GPR39: variants seen among roughly 807,000 people sequenced by gnomAD.
GPR39 encodes G protein-coupled receptor 39, also known as zinc sensing receptor.
In GPR39, 23 loss-of-function variants were observed where a neutral mutation model predicts 18.4. That is an observed-to-expected ratio of 1.25 (90% CI 0.90 to 1.77). The LOEUF (loss-of-function observed/expected upper bound fraction) is 1.77, where lower values mean the gene tolerates loss of function less well. Ranked by LOEUF, GPR39 falls within the 40% of genes most tolerant of loss-of-function variation. The probability of loss-of-function intolerance (pLI) is 0.00; values close to 1 mark genes in which losing one functional copy is unlikely to be tolerated. For missense variants in GPR39, 647 were observed against 602.4 expected (o/e 1.07, Z -0.78); for synonymous variants, 280 against 257.9 (o/e 1.09, Z -0.82).
intron 1 of GPR39, among the ~76,000 whole-genome samples, chr2:132,462,699 G>A (rs1021940720): frequency 5.3e-5 from 8 of 152,078 alleles, no homozygotes; most frequent in Non-Finnish European, 1.2e-4. Context: ...AGCCAACCAG[G>A]CAGTCCAGGC....
intron 1 of GPR39, among the ~76,000 whole-genome samples, chr2:132,559,960 TGGAGGAAGG>T (rs1307606894): frequency 6.6e-6 from 1 of 151,798 alleles, no homozygotes; most frequent in Non-Finnish European, 1.5e-5. Context: ...GGGGGCTGGG[TGGAGGAAGG>T]GGAGGATGAG....
chr2:132,632,466 C>T (rs1310877479), intron 1 of GPR39, among the ~76,000 whole-genome samples: 1 of 152,160 alleles, frequency 6.6e-6, no homozygotes, highest in African/African-American at 2.4e-5. Context: ...AATTGAATTA[C>T]CTTAATTTGC....
chr2:132,449,904 C>G (rs1051822817), intron 1 of GPR39, among the ~76,000 whole-genome samples: 1 of 152,122 alleles, frequency 6.6e-6, no homozygotes, highest in Non-Finnish European at 1.5e-5. Flanking sequence ...TCTCCTACAC[C>G]TTCTAGCATC....
chr2:132,496,148 C>T (rs1484444616), intron 1 of GPR39, among the ~76,000 whole-genome samples: 1 of 152,130 alleles, frequency 6.6e-6, no homozygotes, highest in East Asian at 1.9e-4. Flanking sequence ...AATTATTCCC[C>T]ATTAGTGCTC....
intron 1 of GPR39, among the ~76,000 whole-genome samples, chr2:132,644,244 A>G (rs1051370780): frequency 2.0e-5 from 3 of 152,228 alleles, no homozygotes; most frequent in Non-Finnish European, 4.4e-5. Context: ...GGGCATGCAA[A>G]CAAATGTACA....
intron 1 of GPR39, among the ~76,000 whole-genome samples, chr2:132,501,959 A>G (rs1362674846): frequency 6.6e-6 from 1 of 152,118 alleles, no homozygotes; most frequent in Non-Finnish European, 1.5e-5. Flanking sequence ...CCTTAAGTTG[A>G]TGTGAGTACT....
At chr2:132,492,669 T>G (rs1200062472) in intron 1 of GPR39, among the ~76,000 whole-genome samples, 3 of 139,604 alleles carry the variant, frequency 2.1e-5, no homozygotes, top group Non-Finnish European at 4.5e-5. Context: ...ACACACCATA[T>G]ATATATAATA....
At position 132,646,239 on chromosome 2, in the gene GPR39, G is replaced by T. The variant is rs745908939; in HGVS notation, c.*633G>T. ...GACTGGTACCCGGCAGAGGCGATGAGACAGGCCGCTGATGATGCACAGGAC... is the reference window on the plus strand; with the variant it reads ...GACTGGTACCCGGCAGAGGCGATGATACAGGCCGCTGATGATGCACAGGAC... On this transcript the variant is annotated 3_prime_UTR_variant, in exon 2 of 2. Coordinates refer to ENST00000329321, the MANE Select transcript of GPR39 (RefSeq NM_001508.3). 2 of 1,583,414 alleles carry T rather than the reference G, an allele frequency of 1.3e-6. No individual in the cohort carries two copies. The highest frequency in any genetic ancestry group is 2.7e-5 in the African/African-American group (2 of 74,162).
chr2:132,425,237 A>G (rs1237575125), intron 1 of GPR39, among the ~76,000 whole-genome samples: 1 of 152,146 alleles, frequency 6.6e-6, no homozygotes. Context: ...TGATGTTCCT[A>G]TGCATGGTGA....
At position 132,417,829 on chromosome 2, in the gene GPR39, C is replaced by A. The variant is rs766598625; in HGVS notation, c.787C>A (p.Pro263Thr). Residue 263 changes from proline (P) to threonine (T), a missense_variant, in exon 1 of 2, where the codon CCT becomes ACT. By Grantham distance (38) the Pro-to-Thr change is conservative. Around this residue, in one of 3 missense-constraint regions of GPR39, gnomAD observed 581 missense variants for 506.8 expected, o/e 1.15. Transcript: ENST00000329321. ...GGGCTCGCTGGCCGGGGGCACGCGG[C>A]CTCCGCAGCTGAGGAAGTCCGAGAG... ...QKGSLAGGTR[P>T]PQLRKSESEE... The A allele has an allele frequency of 2.2e-5, 35 of 1,613,462 alleles. No homozygotes were observed. The highest frequency in any genetic ancestry group is 2.9e-5 in the Non-Finnish European group (34 of 1,180,030).
At chr2:132,576,122 A>G (rs1680523749) in intron 1 of GPR39, among the ~76,000 whole-genome samples, 1 of 152,174 alleles carries the variant, frequency 6.6e-6, no homozygotes, top group South Asian at 2.1e-4. Context: ...TGAACAGACA[A>G]TGACTGTCTT....
intron 1 of GPR39, among the ~76,000 whole-genome samples, chr2:132,574,730 G>T (rs1680500997): frequency 6.6e-6 from 1 of 152,166 alleles, no homozygotes; most frequent in Non-Finnish European, 1.5e-5. Context: ...GTGAGACTTT[G>T]TCGCTAAATG....
intron 1 of GPR39, among the ~76,000 whole-genome samples, chr2:132,622,503 T>C (rs1260905442): frequency 6.6e-6 from 1 of 152,176 alleles, no homozygotes; most frequent in Non-Finnish European, 1.5e-5. Context: ...GAAAGTGCAC[T>C]TGAGGCAGTT....
intron 1 of GPR39, among the ~76,000 whole-genome samples, chr2:132,633,437 G>A (rs1205500054): frequency 6.6e-6 from 1 of 151,686 alleles, no homozygotes; most frequent in Non-Finnish European, 1.5e-5. Context: ...TCCAGGTAGT[G>A]GAAAAGAACT....
chr2:132,564,810 CTTTTTTTTTTTTTT>C (rs948881403), intron 1 of GPR39, among the ~76,000 whole-genome samples: 1 of 95,440 alleles, frequency 1.0e-5, no homozygotes, highest in African/African-American at 3.9e-5. Flanking sequence ...TTTCTTTTTT[CTTTTTTTTTTTTTT>C]TTTTTTTGTT....
intron 1 of GPR39, among the ~76,000 whole-genome samples, chr2:132,615,363 C>G (rs1681316052): frequency 6.6e-6 from 1 of 152,208 alleles, no homozygotes; most frequent in Non-Finnish European, 1.5e-5. Context: ...AGGCCCACCC[C>G]CGCTTTGGTG....
chr2:132,548,051 G>A (rs3115024), intron 1 of GPR39, among the ~76,000 whole-genome samples: 2 of 151,996 alleles, frequency 1.3e-5, no homozygotes, highest in African/African-American at 2.4e-5. Flanking sequence ...CCCCGCTTAC[G>A]CCCCTTCCCA....
At chr2:132,428,900 G>A (rs1194884689) in intron 1 of GPR39, among the ~76,000 whole-genome samples, 1 of 152,208 alleles carries the variant, frequency 6.6e-6, no homozygotes, top group African/African-American at 2.4e-5. Flanking sequence ...TCATTTGGAA[G>A]GTGGTGAAAA....
chr2:132,537,500 ATTTT>A (rs139929782), intron 1 of GPR39, among the ~76,000 whole-genome samples: 1 of 137,004 alleles, frequency 7.3e-6, no homozygotes, highest in East Asian at 2.1e-4. Flanking sequence ...TTCCCTTAAC[ATTTT>A]TTTTTTTTTT....
Sources: allele counts gnomAD v4.1 joint callset (sites outside exome capture counted in the v4.1 genomes callset), GRCh38; gene constraint gnomAD v4.1.1; regional missense constraint gnomAD v4.1.1; transcripts MANE v1.5; gene names NCBI Gene and HGNC (gene_info 2026-07-23, HGNC 2026-07-21).